Variants in LYRM4 observed in about 807,000 individuals in gnomAD.
LYRM4 encodes the protein LYR motif-containing protein 4.
In LYRM4, 9 loss-of-function variants were observed where a neutral mutation model predicts 11.7. That is an observed-to-expected ratio of 0.77 (90% CI 0.46 to 1.34). The LOEUF (loss-of-function observed/expected upper bound fraction) is 1.34. Ranked by LOEUF, LYRM4 falls within the 40% of genes most tolerant of loss-of-function variation. The pLI is 0.00. For synonymous variants in LYRM4, 42 were observed against 40.4 expected (o/e 1.04, Z -0.15); for missense variants, 133 against 112.5 (o/e 1.18, Z -0.82).
At chr6:5,234,126 A>G (rs1763400759) in intron 1 of LYRM4, among the ~76,000 whole-genome samples, 1 of 152,276 alleles carries the variant, frequency 6.6e-6, no homozygotes, top group Non-Finnish European at 1.5e-5. Flanking sequence ...GATGTAAAAC[A>G]TAAAATAATA....
intron 2 of LYRM4, among the ~76,000 whole-genome samples, chr6:5,184,535 G>A (rs1760268170): frequency 6.6e-6 from 1 of 152,122 alleles, no homozygotes; most frequent in African/African-American, 2.4e-5. Flanking sequence ...TTTTAAAAAG[G>A]GCAATCTTAT....
chr6:5,229,578 C>T (rs1266443964), intron 1 of LYRM4, among the ~76,000 whole-genome samples: 2 of 152,168 alleles, frequency 1.3e-5, no homozygotes, highest in African/African-American at 4.8e-5. Context: ...CTTAGGCTAT[C>T]CTCTGACTCA....
intron 2 of LYRM4, among the ~76,000 whole-genome samples, chr6:5,176,087 CAG>C (rs1459591960): frequency 2.2e-5 from 3 of 139,022 alleles, no homozygotes; most frequent in Non-Finnish European, 3.1e-5. Context: ...TTTTTTGAGA[CAG>C]AGTCTCGCTC....
the LYRM4 span, among the ~76,000 whole-genome samples, chr6:5,042,224 T>C: frequency 2.0e-5 from 3 of 152,248 alleles, no homozygotes; most frequent in Admixed American, 6.5e-5. Flanking sequence ...TATTTCAAGT[T>C]GATTATTTTA....
the LYRM4 span, among the ~76,000 whole-genome samples, chr6:5,044,256 G>A: frequency 5.9e-5 from 9 of 151,706 alleles, no homozygotes; most frequent in East Asian, 9.7e-4. Flanking sequence ...TCGGCCTCCC[G>A]AGTAGCTGGG....
At chr6:5,168,556 A>G (rs1392433568) in intron 2 of LYRM4, among the ~76,000 whole-genome samples, 1 of 152,182 alleles carries the variant, frequency 6.6e-6, no homozygotes, top group African/African-American at 2.4e-5. Flanking sequence ...AGACAAAAAC[A>G]GGAGAAAGTG....
At chr6:5,181,727 AC>A (rs1561853558) in intron 2 of LYRM4, among the ~76,000 whole-genome samples, 3 of 151,176 alleles carry the variant, frequency 2.0e-5, no homozygotes, top group African/African-American at 7.3e-5. Flanking sequence ...CCATTTCACA[AC>A]TCTCTTCTTC....
At chr6:5,217,914 TG>T (rs368298546) in intron 1 of LYRM4, among the ~76,000 whole-genome samples, 17 of 152,162 alleles carry the variant, frequency 1.1e-4, no homozygotes, top group South Asian at 4.2e-4. Context: ...ATTTTCTCTA[TG>T]TTTTTTTTTT....
rs537493368 is a variant in LYRM4 at position 5,185,133 on chromosome 6, C to A, written c.207+31485G>T. 1.1e-4 allele frequency among the ~76,000 whole-genome samples: 17 copies of A among 152,308 alleles called. No homozygotes were observed. In the South Asian group the frequency reaches 3.5e-3, roughly 32 times the overall value. On this transcript the variant is annotated intron_variant, in intron 2 of 2. Coordinates refer to ENST00000330636, the MANE Select transcript of LYRM4 (RefSeq NM_020408.6). ...CTACCTAGCTCCTCGAGGGTCGAGTCGCCCCTTGTTACCATGAATCCCAAT... is the reference window on the plus strand; with the variant it reads ...CTACCTAGCTCCTCGAGGGTCGAGTAGCCCCTTGTTACCATGAATCCCAAT...
chr6:5,165,606 G>C (rs931340099), intron 2 of LYRM4, among the ~76,000 whole-genome samples: 1 of 151,234 alleles, frequency 6.6e-6, no homozygotes, highest in African/African-American at 2.4e-5. Flanking sequence ...GCAGTGGCGC[G>C]ATCTCGGCTC....
intron 2 of LYRM4, among the ~76,000 whole-genome samples, chr6:5,134,254 G>A (rs1764087591): frequency 6.6e-6 from 1 of 152,194 alleles, no homozygotes; most frequent in African/African-American, 2.4e-5. Context: ...GGTTAAGATA[G>A]AGCTTTCAGT....
At chr6:5,095,141 T>C in the LYRM4 span, among the ~76,000 whole-genome samples, 4 of 152,310 alleles carry the variant, frequency 2.6e-5, no homozygotes, top group African/African-American at 7.2e-5. Context: ...ATAAAAGTGA[T>C]CACTATGTCT....
chr6:5,103,926 A>G (rs620360), downstream of LYRM4: 141,263 of 150,560 alleles, frequency 0.94, 66,391 homozygotes, highest in African/African-American at 0.99. Flanking sequence ...GTGAGCCACC[A>G]CACCTGGAGG....
the LYRM4 span, among the ~76,000 whole-genome samples, chr6:5,062,957 G>T: frequency 6.6e-6 from 1 of 152,140 alleles, no homozygotes; most frequent in Admixed American, 6.5e-5. Flanking sequence ...CTCATGTGCC[G>T]CTGACTATCC....
chr6:5,193,854 C>G (rs1177647925), intron 2 of LYRM4, among the ~76,000 whole-genome samples: 2 of 152,016 alleles, frequency 1.3e-5, no homozygotes, highest in African/African-American at 4.8e-5. Context: ...TTAAGAGAAA[C>G]TCAGAAAAAG....
intron 2 of LYRM4, among the ~76,000 whole-genome samples, chr6:5,167,146 T>C (rs1459018979): frequency 1.3e-5 from 2 of 152,220 alleles, no homozygotes; most frequent in East Asian, 3.9e-4. Context: ...GATACCTTTT[T>C]CCCGTAAGTT....
At chr6:5,245,265 T>A (rs1289057702) in intron 1 of LYRM4, among the ~76,000 whole-genome samples, 1 of 149,814 alleles carries the variant, frequency 6.7e-6, no homozygotes, top group Non-Finnish European at 1.5e-5. Flanking sequence ...TGTTCTTATG[T>A]GATGAGGAAG....
downstream of LYRM4, among the ~76,000 whole-genome samples, chr6:5,098,961 G>T (rs574450647): frequency 2.0e-4 from 30 of 152,178 alleles, no homozygotes; most frequent in African/African-American, 6.5e-4. Context: ...CATATTTGTG[G>T]TCTCTTCCCC....
chr6:5,221,918 GC>G (rs1303959265), intron 1 of LYRM4, among the ~76,000 whole-genome samples: 2 of 152,208 alleles, frequency 1.3e-5, no homozygotes, highest in East Asian at 1.9e-4. Flanking sequence ...CAACTCCTCA[GC>G]CCCAATCTTG....
Sources: allele counts gnomAD v4.1 joint callset (sites outside exome capture counted in the v4.1 genomes callset), GRCh38; gene constraint gnomAD v4.1.1; transcripts MANE v1.5; gene names NCBI Gene and HGNC (gene_info 2026-07-23, HGNC 2026-07-21).